Variants in DRC9 observed in about 807,000 individuals in gnomAD.
The protein encoded by DRC9 is dynein regulatory complex protein 9.
At chr3:197,952,945 C>T in the DRC9 span, among the ~76,000 whole-genome samples, 1 of 151,674 alleles carries the variant, frequency 6.6e-6, no homozygotes, top group South Asian at 2.1e-4. Flanking sequence ...GGATTACAGG[C>T]GCGCACCACC....
the DRC9 span, among the ~76,000 whole-genome samples, chr3:197,929,534 G>A: frequency 1.3e-5 from 2 of 152,308 alleles, no homozygotes; most frequent in African/African-American, 4.8e-5. The surrounding 1 kb of genome is among the most constrained non-coding windows in gnomAD (Gnocchi z 4.6). Flanking sequence ...CACTTTGGGA[G>A]GCCAAGGTGG....
chr3:197,944,145 G>T, the DRC9 span: 2 of 1,098,152 alleles, frequency 1.8e-6, no homozygotes, highest in Non-Finnish European at 2.6e-6. Flanking sequence ...GGGCTCCTGT[G>T]ATATTCACAT....
the DRC9 span, among the ~76,000 whole-genome samples, chr3:197,946,303 C>G: frequency 6.6e-6 from 1 of 151,670 alleles, no homozygotes; most frequent in African/African-American, 2.4e-5. Context: ...GGCGTGGTGG[C>G]GGGTGCCTGT....
At chr3:197,909,420 G>T in the DRC9 span, among the ~76,000 whole-genome samples, 1 of 152,156 alleles carries the variant, frequency 6.6e-6, no homozygotes, top group Non-Finnish European at 1.5e-5. Context: ...CCATTAGAGG[G>T]TTTAACAAAT....
chr3:197,954,248 C>T, the DRC9 span: 1 of 1,221,964 alleles, frequency 8.2e-7, no homozygotes, highest in South Asian at 1.3e-5. Context: ...GAAATTGACA[C>T]CAGTAAATTA....
At chr3:197,891,402 A>G in the DRC9 span, 2 of 996,002 alleles carry the variant, frequency 2.0e-6, no homozygotes, top group Admixed American at 3.5e-5. Context: ...TGTGTTCCTC[A>G]GTGTTAAGCC....
the DRC9 span, chr3:197,943,954 C>T: frequency 6.2e-7 from 1 of 1,614,112 alleles, no homozygotes; most frequent in Non-Finnish European, 8.5e-7. Context: ...TTAGGTATTC[C>T]TTCTTCTTCT....
chr3:197,917,711 CCT>C, the DRC9 span, among the ~76,000 whole-genome samples: 1 of 151,464 alleles, frequency 6.6e-6, no homozygotes, highest in African/African-American at 2.4e-5. Context: ...TCCCTTCTCC[CCT>C]GTCTTCCCCA....
At chr3:197,921,626 C>G in the DRC9 span, among the ~76,000 whole-genome samples, 1 of 151,892 alleles carries the variant, frequency 6.6e-6, no homozygotes, top group Non-Finnish European at 1.5e-5. Context: ...CTTGGTCGAC[C>G]CGACTACTGG....
the DRC9 span, among the ~76,000 whole-genome samples, chr3:197,938,178 A>G: frequency 2.0e-5 from 3 of 151,842 alleles, no homozygotes; most frequent in Non-Finnish European, 4.4e-5. Flanking sequence ...TTAGCCGGGC[A>G]TGGTGGCGTG....
At chr3:197,905,076 G>C in the DRC9 span, among the ~76,000 whole-genome samples, 2 of 152,196 alleles carry the variant, frequency 1.3e-5, no homozygotes, top group South Asian at 2.1e-4. Flanking sequence ...GTGGTTACCA[G>C]AAGCTGGGAA....
the DRC9 span, chr3:197,912,842 G>A: frequency 1.0e-6 from 1 of 1,001,930 alleles, no homozygotes; most frequent in East Asian, 2.4e-5. Context: ...CGGTAGCTGA[G>A]GCTCCCTTTA....
the DRC9 span, chr3:197,943,636 C>CA: frequency 0.084 from 43,642 of 517,312 alleles, 11 homozygotes; most frequent in South Asian, 0.11. Flanking sequence ...GAGACCCTGT[C>CA]AAAAAAAAAA....
chr3:197,902,054 G>A, the DRC9 span, among the ~76,000 whole-genome samples: 1 of 152,104 alleles, frequency 6.6e-6, no homozygotes, highest in East Asian at 1.9e-4. Context: ...AGAAAGTAAG[G>A]AAAAAGAACA....
chr3:197,906,877 G>C, the DRC9 span, among the ~76,000 whole-genome samples: 2 of 152,152 alleles, frequency 1.3e-5, no homozygotes, highest in African/African-American at 4.8e-5. Flanking sequence ...TCAGGTTTCT[G>C]GCTACCAGAC....
the DRC9 span, chr3:197,913,349 T>TGCGTGC: frequency 1.2e-4 from 22 of 187,994 alleles, no homozygotes; most frequent in African/African-American, 6.8e-4. Context: ...TGCGTGCGTG[T>TGCGTGC]GTGCGTGCGT....
the DRC9 span, chr3:197,913,936 G>A: frequency 6.2e-7 from 1 of 1,614,062 alleles, no homozygotes; most frequent in Non-Finnish European, 8.5e-7. Context: ...CTGGGTCTGG[G>A]CAATCTGCAG....
the DRC9 span, among the ~76,000 whole-genome samples, chr3:197,936,034 G>A: frequency 6.6e-6 from 1 of 151,908 alleles, no homozygotes; most frequent in African/African-American, 2.4e-5. Flanking sequence ...GATCACCTGA[G>A]GTCAGGAGTT....
chr3:197,894,390 GAA>G, the DRC9 span: 4 of 152,206 alleles, frequency 2.6e-5, no homozygotes, highest in Admixed American at 2.0e-4. Flanking sequence ...AAGAGCGAGA[GAA>G]GAGGTAAGTG....
Sources: gnomAD v4.1 joint callset for allele counts (sites outside exome capture counted in the v4.1 genomes callset) on GRCh38, gnomAD v4.1.1 for gene constraint, Gnocchi (gnomAD v3.1) non-coding constraint, MANE v1.5 for transcripts, NCBI Gene and HGNC (gene_info 2026-07-23, HGNC 2026-07-21) for gene names.